The following RBBP8 variants were observed in gnomAD, a reference collection of about 807,000 sequenced individuals.
RBBP8 encodes RB binding protein 8, endonuclease.
In RBBP8, 88 loss-of-function variants were observed where a neutral mutation model predicts 108.3. That is an observed-to-expected ratio of 0.81 (90% CI 0.68 to 0.97). RBBP8 has a LOEUF of 0.97. RBBP8 is among the 50% of genes least tolerant of loss of function. The pLI, the probability that RBBP8 is intolerant of heterozygous loss-of-function variation, is 0.00. For synonymous variants in RBBP8, 332 were observed against 348.2 expected (o/e 0.95, Z 0.52); for missense variants, 1,023 against 1,049.0 (o/e 0.98, Z 0.34).
chr18:22,935,657 A>G (rs1233195695), intron 1 of RBBP8, among the ~76,000 whole-genome samples: 2 of 152,218 alleles, frequency 1.3e-5, no homozygotes, highest in South Asian at 2.1e-4. Context: ...TGCTTTGGCT[A>G]AGGAGCCAGA....
intron 14 of RBBP8, 118 bp downstream of exon 14, chr18:22,997,852 T>C (rs2045887372): frequency 6.7e-6 from 5 of 748,856 alleles, no homozygotes; most frequent in South Asian, 6.2e-5. Context: ...TTTTTCCTGC[T>C]CTGTTAACTT....
At position 22,926,207 on chromosome 18, in the gene RBBP8, G is replaced by A. The variant is rs186377445; in HGVS notation, c.-153-3176G>A. Among the ~76,000 whole-genome samples the A allele has an allele frequency of 1.5e-4, 23 of 152,312 alleles. No individual in the cohort carries two copies. In the East Asian group the frequency reaches 2.5e-3, roughly 17 times the overall value. Reference sequence around the variant, plus strand: ...GGAGGCCAAGGCAGGTGGATCCCTTGAGGTCAGGAGTTCCAGACCAGCCTA... The same window carrying A: ...GGAGGCCAAGGCAGGTGGATCCCTTAAGGTCAGGAGTTCCAGACCAGCCTA... On this transcript the variant is annotated intron_variant, in intron 3 of 4. Transcript: ENST00000577588.
chr18:23,018,580 T>C (rs1391137172), intron 17 of RBBP8, among the ~76,000 whole-genome samples: 3 of 152,226 alleles, frequency 2.0e-5, no homozygotes, highest in African/African-American at 7.2e-5. Flanking sequence ...TTCTTTCATA[T>C]GCTTTAAATT....
At chr18:23,026,028 CAGA>C in intron 18 of RBBP8, 112 bp from the exon 19 acceptor site, 1 of 839,404 alleles carries the variant, frequency 1.2e-6, no homozygotes, top group South Asian at 1.5e-5. Flanking sequence ...AGCTAATAAT[CAGA>C]AGAATCATGT....
intron 4 of RBBP8, among the ~76,000 whole-genome samples, chr18:22,960,290 C>T (rs1912975051): frequency 6.6e-6 from 1 of 152,204 alleles, no homozygotes; most frequent in Non-Finnish European, 1.5e-5. Flanking sequence ...TGCATTGGCT[C>T]ACACCTGTAT....
intron 16 of RBBP8, among the ~76,000 whole-genome samples, chr18:23,006,669 CTT>C (rs1474848405): frequency 1.3e-5 from 2 of 152,060 alleles, no homozygotes; most frequent in South Asian, 2.1e-4. Flanking sequence ...ACCTGGCTAA[CTT>C]TTTTATTTTT....
chr18:22,967,795 C>T (rs1469922018), intron 4 of RBBP8, among the ~76,000 whole-genome samples: 8 of 151,638 alleles, frequency 5.3e-5, no homozygotes, highest in African/African-American at 1.2e-4. Context: ...TACAGGTGCC[C>T]GCCACCACGC....
At chr18:22,956,663 A>T (rs1390459878) in intron 4 of RBBP8, among the ~76,000 whole-genome samples, 1 of 152,206 alleles carries the variant, frequency 6.6e-6, no homozygotes, top group Non-Finnish European at 1.5e-5. Flanking sequence ...CTGAACAGTA[A>T]TTCAGCCTAC....
intron 4 of RBBP8, among the ~76,000 whole-genome samples, chr18:22,953,427 A>G (rs572660287): frequency 6.6e-6 from 1 of 152,228 alleles, no homozygotes; most frequent in Non-Finnish European, 1.5e-5. Context: ...AAATTATTAC[A>G]CTCAAATTTA....
At chr18:22,949,381 A>G (rs992794583) in intron 3 of RBBP8, among the ~76,000 whole-genome samples, 3 of 152,332 alleles carry the variant, frequency 2.0e-5, no homozygotes, top group East Asian at 3.9e-4. Flanking sequence ...GTACATTTTG[A>G]TAGCTATTTT....
At chr18:22,959,191 T>C (rs1912852550) in intron 4 of RBBP8, among the ~76,000 whole-genome samples, 1 of 152,172 alleles carries the variant, frequency 6.6e-6, no homozygotes, top group South Asian at 2.1e-4. Context: ...GTCCTTGCAT[T>C]CTCGAAAATA....
intron 2 of RBBP8, among the ~76,000 whole-genome samples, chr18:22,937,561 C>G (rs999109243): frequency 6.6e-6 from 1 of 151,144 alleles, no homozygotes; most frequent in Non-Finnish European, 1.5e-5. Flanking sequence ...GTGATCACAG[C>G]TCACTGCAGC....
intron 12 of RBBP8, among the ~76,000 whole-genome samples, 179 bp downstream of exon 12, chr18:22,994,026 T>G (rs2045802436): frequency 7.6e-6 from 1 of 130,844 alleles, no homozygotes; most frequent in Non-Finnish European, 1.7e-5. Flanking sequence ...TTTTTTTTTT[T>G]TTTTTTTTTT....
At chr18:22,945,292 A>C (rs1440695927) in intron 2 of RBBP8, among the ~76,000 whole-genome samples, 3 of 152,224 alleles carry the variant, frequency 2.0e-5, no homozygotes, top group Admixed American at 2.0e-4. Flanking sequence ...AATAGAGGGC[A>C]CAGCAATATT....
intron 5 of RBBP8, among the ~76,000 whole-genome samples, chr18:22,973,285 A>G (rs1914254862): frequency 6.6e-6 from 1 of 152,126 alleles, no homozygotes; most frequent in Admixed American, 6.5e-5. Context: ...GAAATTTTTT[A>G]TAGTTCTGAT....
intron 12 of RBBP8, among the ~76,000 whole-genome samples, chr18:22,994,266 A>G (rs1473860457): frequency 6.8e-6 from 1 of 147,504 alleles, no homozygotes; most frequent in Admixed American, 6.7e-5. Context: ...ATCGTGATCC[A>G]CCAGCGTCGG....
intron 3 of RBBP8, among the ~76,000 whole-genome samples, chr18:22,917,413 C>T (rs1909402739): frequency 6.6e-6 from 1 of 152,194 alleles, no homozygotes; most frequent in Non-Finnish European, 1.5e-5. Context: ...AGCTTTTCTC[C>T]ATCTAGTTAA....
intron 10 of RBBP8, among the ~76,000 whole-genome samples, chr18:22,991,606 C>G (rs1915709349): frequency 6.6e-6 from 1 of 152,150 alleles, no homozygotes; most frequent in Admixed American, 6.5e-5. Context: ...TATGTAATTT[C>G]CAGATTATTT....
chr18:23,017,360 A>T (rs1193748644), intron 17 of RBBP8, among the ~76,000 whole-genome samples: 2 of 150,220 alleles, frequency 1.3e-5, no homozygotes, highest in Non-Finnish European at 3.0e-5. Flanking sequence ...GGTCTCAAAA[A>T]AAAAAAAAAA....
Sources: allele counts gnomAD v4.1 joint callset (sites outside exome capture counted in the v4.1 genomes callset), GRCh38; gene constraint gnomAD v4.1.1; transcripts MANE v1.5; gene names NCBI Gene and HGNC (gene_info 2026-07-23, HGNC 2026-07-21).